The following PECAM1 variants were observed in gnomAD, a reference collection of about 807,000 sequenced individuals.
PECAM1 encodes the protein platelet and endothelial cell adhesion molecule 1.
PECAM1 carries 8 observed loss-of-function variants against 13.8 expected under a neutral mutation model. The observed-to-expected ratio is 0.58, with a 90% CI of 0.34 to 1.05. The LOEUF is 1.05. Among genes scored for constraint, PECAM1 ranks in the 50% least tolerant of loss-of-function variants. PECAM1 has a pLI of 0.03. For synonymous variants in PECAM1, 136 were observed against 52.6 expected, an observed-to-expected ratio of 2.58 and a Z score of -6.86; for missense variants, 304 against 141.2, an observed-to-expected ratio of 2.15 and a Z score of -5.84.
In PECAM1 at chr17:64,323,531, C is replaced by A. The variant is rs1555644922; in HGVS notation, c.*285G>T. On this transcript the variant is annotated 3_prime_UTR_variant, in exon 16 of 16. Transcript: ENST00000563924. ...TTCAAGTTTCAGAATATCCCAATGG[C>A]CTTGCCCTGGATCTCCTCTTGTGCT... 1 of 1,385,730 alleles carries A rather than the reference C, an allele frequency of 7.2e-7. No homozygotes were observed. The highest frequency in any genetic ancestry group is 1.5e-5 in the African/African-American group (1 of 68,786). 85.8% of individuals were successfully genotyped at this position (1,385,730 alleles called of 1,614,324 possible). A position where few individuals can be genotyped will look rare whatever the true frequency, so the allele number is the denominator to read the frequency against.
At chr17:64,328,335 G>A (rs1430664324) in intron 15 of PECAM1, among the ~76,000 whole-genome samples, 1 of 152,206 alleles carries the variant, frequency 6.6e-6, no homozygotes, top group African/African-American at 2.4e-5. Context: ...ATTATTGCTG[G>A]GACAGCAACT....
At chr17:64,361,402 T>A (rs1187895158) in intron 6 of PECAM1, among the ~76,000 whole-genome samples, 2 of 151,998 alleles carry the variant, frequency 1.3e-5, no homozygotes, top group African/African-American at 4.8e-5. Flanking sequence ...CACCTTGGCC[T>A]GCCAAATTGT....
At chr17:64,387,337 G>A (rs914387723) in intron 2 of PECAM1, among the ~76,000 whole-genome samples, 5 of 152,232 alleles carry the variant, frequency 3.3e-5, no homozygotes, top group South Asian at 2.1e-4. Context: ...TGAGAGGTGA[G>A]GTGGGTAGGC....
rs952033170 is a variant in PECAM1 at position 64,375,983 on chromosome 17, A to G, written c.386-627T>C. On this transcript the variant is annotated intron_variant, in intron 3 of 15. Coordinates refer to ENST00000563924, the MANE Select transcript of PECAM1 (RefSeq NM_000442.5). ...AAAGACTACACACTGGGTACAGTGT[A>G]CACTGCTCGGGTGATGGGTCCACCA... 4.6e-3 allele frequency among the ~76,000 whole-genome samples: 696 copies of G among 152,260 alleles called. 2 individuals carry two copies. Among genetic ancestry groups the G allele is most frequent in the Non-Finnish European group, 7.9e-3 (537 of 68,010 alleles).
chr17:64,344,101 G>T (rs2035502977), intron 13 of PECAM1, among the ~76,000 whole-genome samples: 1 of 152,054 alleles, frequency 6.6e-6, no homozygotes, highest in African/African-American at 2.4e-5. Context: ...GGTGGTCACG[G>T]CCAGCTCACC....
At position 64,322,746 on chromosome 17, in the gene PECAM1, C is replaced by T; in HGVS notation, c.*1070G>A. The T allele has an allele frequency of 1.1e-6, 1 of 926,476 alleles. No individual in the cohort carries two copies. The highest frequency in any genetic ancestry group is 1.3e-6 in the Non-Finnish European group (1 of 776,168). The allele number at this position is 926,476 out of a possible 1,614,324, so 57.4% of individuals were successfully genotyped here. Reference sequence around the variant, plus strand: ...TTTTGTTTTTTTTGAGATGGATTCTCACTCTGTCACTCAGGCTGGAGTGCA... The same window carrying T: ...TTTTGTTTTTTTTGAGATGGATTCTTACTCTGTCACTCAGGCTGGAGTGCA... On this transcript the variant is annotated 3_prime_UTR_variant, in exon 16 of 16. Transcript: ENST00000563924.
intron 5 of PECAM1, among the ~76,000 whole-genome samples, chr17:64,364,201 A>C (rs754950540): frequency 0.91 from 137,767 of 152,112 alleles, 63,366 homozygotes; most frequent in East Asian, 1. Flanking sequence ...AACACCTCTA[A>C]GCAAATAAAC....
intron 2 of PECAM1, among the ~76,000 whole-genome samples, chr17:64,378,586 G>A (rs1233030969): frequency 4.6e-5 from 7 of 151,842 alleles, no homozygotes; most frequent in African/African-American, 1.2e-4. Flanking sequence ...GGGTTGCAGT[G>A]AGGTGAGATC....
chr17:64,325,723 T>A (rs2034936520), intron 15 of PECAM1, among the ~76,000 whole-genome samples: 1 of 151,992 alleles, frequency 6.6e-6, no homozygotes, highest in African/African-American at 2.4e-5. Context: ...GGTGATAGAG[T>A]GAGACTTCAT....
chr17:64,346,944 C>A (rs2035583180), intron 13 of PECAM1, among the ~76,000 whole-genome samples: 1 of 152,202 alleles, frequency 6.6e-6, no homozygotes, highest in Non-Finnish European at 1.5e-5. Context: ...GCACAAGCAA[C>A]TTTAGGAACA....
At chr17:64,325,705 C>T (rs2034935862) in intron 15 of PECAM1, among the ~76,000 whole-genome samples, 1 of 152,182 alleles carries the variant, frequency 6.6e-6, no homozygotes, top group African/African-American at 2.4e-5. Flanking sequence ...CCCCTGCACT[C>T]CAGCCTGGGT....
chr17:64,346,459 C>T (rs1373404788), intron 13 of PECAM1, among the ~76,000 whole-genome samples: 8 of 152,146 alleles, frequency 5.3e-5, no homozygotes, highest in Non-Finnish European at 1.0e-4. Context: ...GCCTCAGCCT[C>T]CCCAGTAGAT....
At position 64,378,054 on chromosome 17, in the gene PECAM1, T is replaced by C. The variant is rs1457859854; in HGVS notation, c.155A>G (p.Asn52Ser). 8.4e-6 allele frequency: 4 copies of C among 475,142 alleles called. No homozygotes were observed. Among genetic ancestry groups the C allele is most frequent in the Non-Finnish European group, 1.5e-5 (4 of 259,032 alleles). The allele number at this position is 475,142 out of a possible 1,614,324, so 29.4% of individuals were successfully genotyped here. A position where few individuals can be genotyped will look rare whatever the true frequency, so the allele number is the denominator to read the frequency against. The change falls in exon 3 of 16, where the codon AAC becomes AGC. Residue 52 changes from asparagine (N) to serine (S), a missense_variant. By Grantham distance (46) the Asn-to-Ser change is conservative. Coordinates refer to ENST00000563924, the MANE Select transcript of PECAM1 (RefSeq NM_000442.5). ...LPDWTVQNGK[N>S]LTLQCFADVS... ...ATCCGCGAAGCACTGCAGGGTCAGG[T>C]TCTTCCCATTTTGCACCGTCCAGTC...
intron 12 of PECAM1, among the ~76,000 whole-genome samples, chr17:64,348,761 G>C (rs2035643786): frequency 6.6e-6 from 1 of 152,056 alleles, no homozygotes; most frequent in African/African-American, 2.4e-5. Context: ...GGTTATTAAA[G>C]TATTCTGTAT....
In PECAM1 at chr17:64,368,270, T is replaced by G. The variant is rs2036157702; in HGVS notation, c.967+1480A>C. Among the ~76,000 whole-genome samples, 3 of 152,168 alleles carry G rather than the reference T, an allele frequency of 2.0e-5. 1 individual carries two copies. The South Asian group carries it at 6.2e-4, about 32-fold the overall frequency. On this transcript the variant is annotated intron_variant, in intron 5 of 15. Coordinates refer to ENST00000563924, the MANE Select transcript of PECAM1 (RefSeq NM_000442.5). ...TGTTCCTGTTCTCAGCGGCTTGCAT[T>G]CTAGTGGCTGCATACACATAATAAA...
At chr17:64,323,966 A>G (rs1555645097) in intron 15 of PECAM1, 121 bp from the exon 16 acceptor site, 1 of 794,980 alleles carries the variant, frequency 1.3e-6, no homozygotes, top group Admixed American at 1.7e-5. Context: ...GGGCTGTCAC[A>G]CACTGGTCCC....
At chr17:64,381,112 T>C (rs1483017125) in intron 2 of PECAM1, among the ~76,000 whole-genome samples, 2 of 152,188 alleles carry the variant, frequency 1.3e-5, no homozygotes, top group African/African-American at 4.8e-5. Context: ...AGCTATTAAA[T>C]GGTCTTTTGG....
At chr17:64,339,328 C>T (rs1214879035) in intron 14 of PECAM1, among the ~76,000 whole-genome samples, 12 of 152,252 alleles carry the variant, frequency 7.9e-5, no homozygotes, top group African/African-American at 2.6e-4. Context: ...CTCTCTATGC[C>T]TTAGTATCCT....
At chr17:64,352,103 T>C (rs1373853549) in intron 11 of PECAM1, among the ~76,000 whole-genome samples, 5 of 152,214 alleles carry the variant, frequency 3.3e-5, no homozygotes, top group Admixed American at 6.5e-5. Context: ...AATTATAATA[T>C]TACGCTGGAG....
Sources: gnomAD v4.1 joint callset for allele counts (sites outside exome capture counted in the v4.1 genomes callset) on GRCh38, gnomAD v4.1.1 for gene constraint, MANE v1.5 for transcripts, NCBI Gene and HGNC (gene_info 2026-07-23, HGNC 2026-07-21) for gene names.